Variants in PCDHGB5 observed in about 807,000 individuals in gnomAD.
PCDHGB5 encodes protocadherin gamma subfamily B, 5.
Under a neutral mutation model 62.9 loss-of-function variants are expected in PCDHGB5, and 48 were observed. The ratio of observed to expected loss-of-function variants is 0.76; its 90% CI spans 0.61 to 0.97. PCDHGB5 has a LOEUF of 0.97. PCDHGB5 is among the 50% of genes least tolerant of loss of function. PCDHGB5 has a pLI of 0.00. For synonymous variants in PCDHGB5, 474 were observed against 511.2 expected (o/e 0.93, Z 0.98); for missense variants, 1,118 against 1,198.6 (o/e 0.93, Z 0.99).
In PCDHGB5 at chr5:141,418,596, T is replaced by C; in HGVS notation, c.2397+18072T>C. On this transcript the variant is annotated intron_variant, in intron 1 of 3. Coordinates refer to ENST00000617380, the MANE Select transcript of PCDHGB5 (RefSeq NM_018925.3). Reference sequence around the variant, plus strand: ...AACCCCCCAGTGTTCAGCCAGGACGTGTACAGGGTTAGCCTTCGGGAAGAC... The same window carrying C: ...AACCCCCCAGTGTTCAGCCAGGACGCGTACAGGGTTAGCCTTCGGGAAGAC... 8.7e-6 allele frequency: 14 copies of C among 1,614,046 alleles called. No individual in the cohort carries two copies. The highest frequency in any genetic ancestry group is 1.1e-5 in the Non-Finnish European group (13 of 1,179,906).
chr5:141,399,133 G>A lies in PCDHGB5; in HGVS notation c.1006G>A (p.Glu336Lys), dbSNP rs1054849184. ...TACAGTTGAAATTAATATTCAAGAT[G>A]AAAATGACAATAGCCCAGAAGTTAC... ...QCTVEINIQDENDNSPEVTFH... is the reference protein window; with the variant it reads ...QCTVEINIQDKNDNSPEVTFH... The change falls in exon 1 of 4, where the codon GAA becomes AAA. Residue 336 changes from glutamate to lysine, a missense_variant. Glu to Lys is a moderately conservative substitution (Grantham distance 56). Coordinates refer to ENST00000617380, the MANE Select transcript of PCDHGB5 (RefSeq NM_018925.3). 6.2e-7 allele frequency: 1 copy of A among 1,613,714 alleles called. No individual in the cohort carries two copies. The highest frequency in any genetic ancestry group is 8.5e-7 in the Non-Finnish European group (1 of 1,179,886).
Position 141,420,101 on chromosome 5 carries a change from T to A in PCDHGB5, c.2397+19577T>A. 5 of 1,614,046 alleles carry A rather than the reference T, an allele frequency of 3.1e-6. No homozygotes were observed. Among genetic ancestry groups the A allele is most frequent in the Non-Finnish European group, 4.2e-6 (5 of 1,179,870 alleles). ...TCCCCCCAACTACAGTGAGGGAACGTTGCCCTATGCCTATAATTTTTGTGT... is the reference window on the plus strand; with the variant it reads ...TCCCCCCAACTACAGTGAGGGAACGATGCCCTATGCCTATAATTTTTGTGT... On this transcript the variant is annotated intron_variant, in intron 1 of 3. Transcript: ENST00000617380.
intron 1 of PCDHGB5, chr5:141,410,230 C>T (rs759582867): frequency 6.2e-7 from 1 of 1,614,006 alleles, no homozygotes; most frequent in Admixed American, 1.7e-5. Flanking sequence ...CAGACCTCAG[C>T]GACCGCCCTG....
chr5:141,482,601 A>T (rs1158399317), intron 1 of PCDHGB5, among the ~76,000 whole-genome samples: 1 of 152,002 alleles, frequency 6.6e-6, no homozygotes, highest in Non-Finnish European at 1.5e-5. Flanking sequence ...ACGGGAAAAA[A>T]CACCTAAATG....
chr5:141,458,556 T>C (rs1424881453), intron 1 of PCDHGB5, among the ~76,000 whole-genome samples: 1 of 145,670 alleles, frequency 6.9e-6, no homozygotes, highest in Non-Finnish European at 1.5e-5. Flanking sequence ...TTGTTTGTTT[T>C]GGTTTTGGGT....
intron 1 of PCDHGB5, chr5:141,408,432 T>C (rs370073451): frequency 3.1e-6 from 5 of 1,613,972 alleles, no homozygotes; most frequent in Non-Finnish European, 4.2e-6. Flanking sequence ...CACTTCAGCG[T>C]AGACGCGGAG....
At chr5:141,494,752 T>G (rs889400984) in intron 1 of PCDHGB5, 55 bp from the exon 2 acceptor site, 6 of 1,612,324 alleles carry the variant, frequency 3.7e-6, no homozygotes, top group East Asian at 2.2e-5. Flanking sequence ...GGGGCTCGGG[T>G]GACATTCTAA....
rs780843098 is a variant in PCDHGB5 at position 141,431,185 on chromosome 5, T to C, written c.2397+30661T>C. On this transcript the variant is annotated intron_variant, in intron 1 of 3. Coordinates refer to ENST00000617380, the MANE Select transcript of PCDHGB5 (RefSeq NM_018925.3). The surrounding 1 kb of genome is among the most constrained non-coding windows in gnomAD (Gnocchi z 4.8). ...GTGAAAGTGAATTAGAAATAAAAAT[T>C]AGTGAAAATGCAGCCACTGAGATGC... The C allele has an allele frequency of 3.1e-6, 5 of 1,613,982 alleles. No homozygotes were observed. The highest frequency in any genetic ancestry group is 4.2e-6 in the Non-Finnish European group (5 of 1,180,016).
chr5:141,449,830 T>G (rs1316368063), intron 1 of PCDHGB5, among the ~76,000 whole-genome samples: 1 of 151,724 alleles, frequency 6.6e-6, no homozygotes, highest in Non-Finnish European at 1.5e-5. Flanking sequence ...AAGGACATTC[T>G]TTTATATAAT....
intron 1 of PCDHGB5, among the ~76,000 whole-genome samples, chr5:141,458,408 C>A (rs895785923): frequency 6.6e-6 from 1 of 151,932 alleles, no homozygotes; most frequent in East Asian, 1.9e-4. Flanking sequence ...AGAGACGGAG[C>A]GGGGGTTCCA....
intron 1 of PCDHGB5, chr5:141,421,450 C>A (rs1193440607): frequency 2.5e-6 from 4 of 1,614,126 alleles, no homozygotes; most frequent in Non-Finnish European, 3.4e-6. Flanking sequence ...GAAGACACAG[C>A]TTTTCGCTGT....
intron 1 of PCDHGB5, chr5:141,418,230 A>T (rs745395585): frequency 6.2e-7 from 1 of 1,614,058 alleles, no homozygotes; most frequent in Non-Finnish European, 8.5e-7. Context: ...GTGGTGATTG[A>T]GGATGTTAAT....
Position 141,489,341 on chromosome 5 carries a change from CAGT to C in PCDHGB5, c.2398-5465_2398-5463del. The stretch of plus-strand genomic sequence containing the variant: ...TGGGTGTCTGGGCAGCTTCGTTACT[CAGT>C]GGTGGAGGAGTCTGAGCCGGGGACG... On this transcript the variant is annotated intron_variant, in intron 1 of 3. Coordinates refer to ENST00000617380, the MANE Select transcript of PCDHGB5 (RefSeq NM_018925.3). This position sits in a 1 kb window ranked among gnomAD's most constrained non-coding sequence, Gnocchi z 4.5. The C allele has an allele frequency of 6.2e-7, 1 of 1,609,088 alleles. No homozygotes were observed. Among genetic ancestry groups the C allele is most frequent in the Non-Finnish European group, 8.5e-7 (1 of 1,176,770 alleles).
chr5:141,491,571 C>CT lies in PCDHGB5; in HGVS notation c.2398-3232dup. On this transcript the variant is annotated intron_variant, in intron 1 of 3. Coordinates refer to ENST00000617380, the MANE Select transcript of PCDHGB5 (RefSeq NM_018925.3). The surrounding 1 kb of genome is among the most constrained non-coding windows in gnomAD (Gnocchi z 6.9). ...CGCAGAGCCACTGCTACAGGACGTG[C>CT]TTTTCACCGGCCTCGGACGGCAGTG... 6.2e-7 allele frequency: 1 copy of CT among 1,614,026 alleles called. No homozygotes were observed. Among genetic ancestry groups the CT allele is most frequent in the Non-Finnish European group, 8.5e-7 (1 of 1,180,042 alleles).
intron 1 of PCDHGB5, among the ~76,000 whole-genome samples, chr5:141,463,990 G>A (rs2099073582): frequency 6.6e-6 from 1 of 151,990 alleles, no homozygotes; most frequent in Non-Finnish European, 1.5e-5. Flanking sequence ...TAAAAACCAG[G>A]TGCAGTGGCT....
Position 141,476,682 on chromosome 5 carries a change from A to G in PCDHGB5, c.2398-18125A>G, listed in dbSNP as rs987205396. The G allele has an allele frequency of 6.2e-7, 1 of 1,614,072 alleles. No individual in the cohort carries two copies. Among genetic ancestry groups the G allele is most frequent in the African/African-American group, 1.3e-5 (1 of 74,934 alleles). ...GCGCTTCGCGTGCAGACGCGGGAGG[A>G]CAGCACCAAGTACGCGGAGCTGGTG... On this transcript the variant is annotated intron_variant, in intron 1 of 3. Coordinates refer to ENST00000617380, the MANE Select transcript of PCDHGB5 (RefSeq NM_018925.3). The surrounding 1 kb of genome is among the most constrained non-coding windows in gnomAD (Gnocchi z 7.6).
At chr5:141,410,060 G>C in intron 1 of PCDHGB5, 1 of 1,613,108 alleles carries the variant, frequency 6.2e-7, no homozygotes, top group Non-Finnish European at 8.5e-7. Flanking sequence ...CTTCAGCCTG[G>C]GGCTGCGCAC....
intron 1 of PCDHGB5, chr5:141,404,291 G>A (rs755978034): frequency 6.2e-7 from 1 of 1,613,956 alleles, no homozygotes; most frequent in Non-Finnish European, 8.5e-7. Context: ...TGACATCAAT[G>A]ATAATCCACC....
At chr5:141,426,517 A>G (rs893782433) in intron 1 of PCDHGB5, 5 of 343,020 alleles carry the variant, frequency 1.5e-5, no homozygotes, top group African/African-American at 2.1e-5. Context: ...CTTTACCGTG[A>G]ACACGGAGAA....
Sources: gnomAD v4.1 joint callset for allele counts (sites outside exome capture counted in the v4.1 genomes callset) on GRCh38, gnomAD v4.1.1 for gene constraint, Gnocchi (gnomAD v3.1) non-coding constraint, MANE v1.5 for transcripts, NCBI Gene and HGNC (gene_info 2026-07-23, HGNC 2026-07-21) for gene names.